HS1BP3: variants seen among roughly 807,000 people sequenced by gnomAD.
HS1BP3 encodes the protein HCLS1-binding protein 3.
Under a neutral mutation model 33.5 loss-of-function variants are expected in HS1BP3, and 32 were observed. That is an observed-to-expected ratio of 0.95 (90% CI 0.72 to 1.28). The LOEUF is 1.28. Among genes scored for constraint, HS1BP3 ranks in the 50% most tolerant of loss-of-function variants. The probability of loss-of-function intolerance (pLI) is 0.00; values close to 1 mark genes in which losing one functional copy is unlikely to be tolerated. For synonymous variants in HS1BP3, 187 were observed against 209.2 expected (o/e 0.89, Z 0.92); for missense variants, 486 against 502.3 (o/e 0.97, Z 0.31).
rs150411757 is a variant in HS1BP3, at chr2:20,638,459, C to T, written c.600G>A (p.Ala200=). ...DAEESLEEEE[A]LDPLGIMRSK... Reference sequence around the variant, plus strand: ...ACCGCATAATGCCCAGAGGGTCCAGCGCCTCCTCCTCCTCCAAGGATTCCT... The same window carrying T: ...ACCGCATAATGCCCAGAGGGTCCAGTGCCTCCTCCTCCTCCAAGGATTCCT... The change falls in exon 4 of 7, where the codon GCG becomes GCA. Residue 200 remains alanine, a synonymous_variant. Coordinates refer to ENST00000304031, the MANE Select transcript of HS1BP3 (RefSeq NM_022460.4). 3.7e-5 allele frequency: 60 copies of T among 1,614,202 alleles called. No homozygotes were observed. In the African/African-American group the frequency reaches 5.3e-4, roughly 14 times the overall value.
chr2:20,584,475 C>T (rs920288395), intron 5 of HS1BP3, among the ~76,000 whole-genome samples: 5 of 152,248 alleles, frequency 3.3e-5, no homozygotes, highest in Admixed American at 6.5e-5. Context: ...TGCACCACTT[C>T]TGCCCCTGCA....
At chr2:20,584,167 T>C (rs890052871) in intron 5 of HS1BP3, among the ~76,000 whole-genome samples, 23 of 152,218 alleles carry the variant, frequency 1.5e-4, no homozygotes, top group Admixed American at 1.4e-3. Context: ...AGGTGGGGTA[T>C]AGATAACATG....
chr2:20,650,962 C>A (rs1455376798), intron 1 of HS1BP3, 70 bp downstream of exon 1: 4 of 1,189,506 alleles, frequency 3.4e-6, no homozygotes, highest in Non-Finnish European at 4.2e-6. Context: ...GCGGCGGCCT[C>A]CCCCCGCCTC....
chr2:20,604,714 T>A (rs1167711490), intron 2 of HS1BP3, among the ~76,000 whole-genome samples: 1 of 152,154 alleles, frequency 6.6e-6, no homozygotes, highest in Non-Finnish European at 1.5e-5. Context: ...CAGCAAAACC[T>A]GTGTTCTTTG....
At chr2:20,637,532 G>A (rs56238706) in intron 4 of HS1BP3, 34,955 of 152,152 alleles carry the variant, frequency 0.23, 4,315 homozygotes, top group South Asian at 0.29. Context: ...CCTGAGCGCC[G>A]CGTACCCTTT....
intron 2 of HS1BP3, among the ~76,000 whole-genome samples, chr2:20,604,407 A>T (rs1040919324): frequency 6.6e-6 from 1 of 152,160 alleles, no homozygotes; most frequent in Non-Finnish European, 1.5e-5. Context: ...CTGTCGTGAG[A>T]TTACAGAAAG....
chr2:20,629,154 G>T (rs983131534), intron 4 of HS1BP3, among the ~76,000 whole-genome samples: 1 of 152,190 alleles, frequency 6.6e-6, no homozygotes, highest in East Asian at 1.9e-4. Flanking sequence ...GAGGGGGTCA[G>T]TAATTCCATG....
chr2:20,581,613 G>T (rs537347205), intron 5 of HS1BP3, among the ~76,000 whole-genome samples: 1 of 152,310 alleles, frequency 6.6e-6, no homozygotes, highest in East Asian at 1.9e-4. Flanking sequence ...ACCTCCCAAA[G>T]TGCTGGGATT....
intron 4 of HS1BP3, among the ~76,000 whole-genome samples, chr2:20,631,404 A>G (rs1401887780): frequency 6.6e-6 from 1 of 151,290 alleles, no homozygotes; most frequent in East Asian, 2.0e-4. Flanking sequence ...AGTTCCAGCT[A>G]TTTGAGAGGC....
chr2:20,629,863 G>A (rs1242527376), intron 4 of HS1BP3, among the ~76,000 whole-genome samples: 1 of 152,252 alleles, frequency 6.6e-6, no homozygotes, highest in African/African-American at 2.4e-5. Flanking sequence ...TGCTCAGACA[G>A]GCTGAGCAGC....
chr2:20,606,953 C>T (rs143609551), intron 2 of HS1BP3, among the ~76,000 whole-genome samples: 159 of 149,024 alleles, frequency 1.1e-3, no homozygotes, highest in African/African-American at 3.8e-3. Context: ...TTTTTAGTTT[C>T]GATAAATTCA....
chr2:20,579,569 C>G (rs950869485), intron 5 of HS1BP3, among the ~76,000 whole-genome samples: 2 of 152,216 alleles, frequency 1.3e-5, no homozygotes, highest in Non-Finnish European at 2.9e-5. Context: ...CCCGGCATAC[C>G]AGGCTCAATG....
At chr2:20,645,951 C>T (rs1165567682) in intron 1 of HS1BP3, among the ~76,000 whole-genome samples, 1 of 152,170 alleles carries the variant, frequency 6.6e-6, no homozygotes, top group East Asian at 1.9e-4. Context: ...GCTACAGGCC[C>T]CCTGGGGGGG....
At chr2:20,634,919 A>C (rs1695075593) in intron 4 of HS1BP3, 1 of 152,102 alleles carries the variant, frequency 6.6e-6, no homozygotes, top group Non-Finnish European at 1.5e-5. Flanking sequence ...CCAGCTTTGC[A>C]GGCAGGTGCA....
At chr2:20,568,763 C>A (rs902029787) in intron 5 of HS1BP3, among the ~76,000 whole-genome samples, 1 of 152,134 alleles carries the variant, frequency 6.6e-6, no homozygotes, top group Non-Finnish European at 1.5e-5. Flanking sequence ...GGATGGAGAA[C>A]CATAAGACAT....
intron 3 of HS1BP3, 120 bp downstream of exon 3, chr2:20,640,853 G>T: frequency 1.0e-6 from 1 of 980,504 alleles, no homozygotes; most frequent in Non-Finnish European, 1.6e-6. Context: ...TGCCTCACCA[G>T]CCTGGCTGAA....
intron 2 of HS1BP3, among the ~76,000 whole-genome samples, chr2:20,643,617 T>C (rs1364767731): frequency 2.0e-5 from 3 of 152,150 alleles, no homozygotes; most frequent in Non-Finnish European, 4.4e-5. Context: ...CATGACGTTG[T>C]TGAATGTCCC....
chr2:20,612,498 A>G (rs562467567), intron 2 of HS1BP3, among the ~76,000 whole-genome samples: 1 of 152,314 alleles, frequency 6.6e-6, no homozygotes, highest in South Asian at 2.1e-4. Flanking sequence ...CTCTGCTTGA[A>G]GCAACCATTA....
intron 6 of HS1BP3, 44 bp downstream of exon 6, chr2:20,623,852 A>G (rs13030108): frequency 0.78 from 1,246,277 of 1,587,906 alleles, 490,867 homozygotes; most frequent in East Asian, 0.92. Flanking sequence ...CTCTGTCCAG[A>G]ACACTCTCAG....
Sources: gnomAD v4.1 joint callset for allele counts (sites outside exome capture counted in the v4.1 genomes callset) on GRCh38, gnomAD v4.1.1 for gene constraint, MANE v1.5 for transcripts, NCBI Gene and HGNC (gene_info 2026-07-23, HGNC 2026-07-21) for gene names.